The following KCMF1 variants were observed in gnomAD, a reference collection of about 807,000 sequenced individuals.
The protein encoded by KCMF1 is potassium channel modulatory factor 1.
A neutral mutation model predicts 41.1 loss-of-function variants in KCMF1; 3 were observed. That is an observed-to-expected ratio of 0.07 (90% CI 0.03 to 0.19). The LOEUF is 0.19. Among genes scored for constraint, KCMF1 ranks in the 10% least tolerant of loss-of-function variants. The pLI is 1.00. For missense variants in KCMF1, 286 were observed against 488.9 expected (o/e 0.58, Z 3.91); for synonymous variants, 142 against 164.5 (o/e 0.86, Z 1.04).
intron 1 of KCMF1, among the ~76,000 whole-genome samples, chr2:85,002,944 A>G (rs1415114198): frequency 6.6e-6 from 1 of 152,228 alleles, no homozygotes; most frequent in Non-Finnish European, 1.5e-5. Context: ...AACTGAATGT[A>G]GTTCTTCACA....
At position 85,058,656 on chromosome 2, in the gene KCMF1, C is replaced by G. The variant is rs1294995491; in HGVS notation, c.*5247C>G. On this transcript the variant is annotated 3_prime_UTR_variant, in exon 7 of 7. Transcript: ENST00000409785. ...GCTTTGTCTAAACATTATTTACCAACTGCGATTTTTACAGACTTCCCCTGT... is the reference window on the plus strand; with the variant it reads ...GCTTTGTCTAAACATTATTTACCAAGTGCGATTTTTACAGACTTCCCCTGT... 7 of 152,182 alleles carry G rather than the reference C, an allele frequency of 4.6e-5. No individual in the cohort carries two copies. Among genetic ancestry groups the G allele is most frequent in the Admixed American group, 4.6e-4 (7 of 15,280 alleles). The allele number at this position is 152,182 out of a possible 1,614,324, so 9.4% of individuals were successfully genotyped here.
chr2:85,051,271 A>C (rs1675801076), intron 6 of KCMF1, among the ~76,000 whole-genome samples: 1 of 152,198 alleles, frequency 6.6e-6, no homozygotes, highest in African/African-American at 2.4e-5. Context: ...CCCCATAGGG[A>C]CTGACCAGCA....
intron 2 of KCMF1, among the ~76,000 whole-genome samples, chr2:85,028,665 A>C (rs1020647787): frequency 6.6e-5 from 10 of 150,520 alleles, no homozygotes; most frequent in Admixed American, 1.3e-4. Context: ...GATTTTTTGT[A>C]TCTTTAGTAG....
In KCMF1 at chr2:85,053,571, T is replaced by C; in HGVS notation, c.*162T>C. On this transcript the variant is annotated 3_prime_UTR_variant, in exon 7 of 7. Coordinates refer to ENST00000409785, the MANE Select transcript of KCMF1 (RefSeq NM_020122.5). ...AGAGAAAATATATATGATAATCATT[T>C]CCACTTAACTAATTTTTACTTCTAG... 1 of 790,996 alleles carries C rather than the reference T, an allele frequency of 1.3e-6. No homozygotes were observed. Among genetic ancestry groups the C allele is most frequent in the Non-Finnish European group, 2.0e-6 (1 of 511,404 alleles). 49.0% of individuals were successfully genotyped at this position (790,996 alleles called of 1,614,324 possible).
At chr2:84,992,966 G>A (rs1190672866) in intron 1 of KCMF1, among the ~76,000 whole-genome samples, 1 of 152,174 alleles carries the variant, frequency 6.6e-6, no homozygotes, top group Non-Finnish European at 1.5e-5. Context: ...GGTCGAGGCA[G>A]GCAGGTCCCT....
At chr2:85,004,885 G>A (rs1406325640) in intron 1 of KCMF1, among the ~76,000 whole-genome samples, 1 of 151,978 alleles carries the variant, frequency 6.6e-6, no homozygotes, top group East Asian at 1.9e-4. Context: ...GCCCAGGCTG[G>A]AGTGCAGTGG....
intron 2 of KCMF1, among the ~76,000 whole-genome samples, chr2:85,030,136 G>T (rs898997142): frequency 6.6e-6 from 1 of 152,034 alleles, no homozygotes; most frequent in African/African-American, 2.4e-5. Context: ...TGGGCCATTT[G>T]TATATCTACT....
At chr2:84,997,000 G>C (rs531912912) in intron 1 of KCMF1, among the ~76,000 whole-genome samples, 1 of 152,278 alleles carries the variant, frequency 6.6e-6, no homozygotes, top group South Asian at 2.1e-4. Context: ...TTACTGTACT[G>C]AATACTGTAG....
At chr2:85,042,621 C>G (rs1262592474) in intron 3 of KCMF1, among the ~76,000 whole-genome samples, 3 of 152,170 alleles carry the variant, frequency 2.0e-5, no homozygotes, top group African/African-American at 7.2e-5. Flanking sequence ...GGTCATGCCC[C>G]TTGCTTCAGA....
intron 1 of KCMF1, among the ~76,000 whole-genome samples, chr2:85,024,725 A>G (rs749434430): frequency 1.3e-5 from 2 of 152,108 alleles, no homozygotes; most frequent in Non-Finnish European, 2.9e-5. Flanking sequence ...TCCGTCTTTA[A>G]ACCATGTGGA....
chr2:85,053,016 A>C (rs1675844314), intron 6 of KCMF1, 132 bp from the exon 7 acceptor site: 1 of 717,082 alleles, frequency 1.4e-6, no homozygotes, highest in Non-Finnish European at 2.3e-6. Context: ...ATTACAGCCA[A>C]GTATTCCAGC....
At chr2:85,024,609 CGT>C (rs1286861410) in intron 1 of KCMF1, among the ~76,000 whole-genome samples, 7 of 148,616 alleles carry the variant, frequency 4.7e-5, no homozygotes, top group East Asian at 3.9e-4. Context: ...TGTGTGTGCG[CGT>C]GTGTGTGTGA....
intron 1 of KCMF1, among the ~76,000 whole-genome samples, chr2:85,013,204 C>G (rs1370325594): frequency 6.6e-6 from 1 of 152,156 alleles, no homozygotes; most frequent in Non-Finnish European, 1.5e-5. Flanking sequence ...GCTCTAAGCA[C>G]TAAGTGGGTA....
chr2:85,041,897 T>C (rs1310979788), intron 3 of KCMF1, among the ~76,000 whole-genome samples: 2 of 151,138 alleles, frequency 1.3e-5, no homozygotes, highest in African/African-American at 4.9e-5. Flanking sequence ...AAAAGTAAAA[T>C]ATGTATATCA....
At chr2:84,971,488 C>A (rs767918601) in intron 1 of KCMF1, 21 bp downstream of exon 1, 2 of 1,241,942 alleles carry the variant, frequency 1.6e-6, no homozygotes, top group African/African-American at 1.6e-5. Context: ...CCCCCGCCCC[C>A]ACCCGCACCT....
intron 4 of KCMF1, 63 bp from the exon 5 acceptor site, chr2:85,046,041 G>A (rs571206799): frequency 3.0e-6 from 4 of 1,326,544 alleles, no homozygotes; most frequent in South Asian, 1.4e-5. Flanking sequence ...GTCTAGCAAG[G>A]ACTCAGGTGA....
rs779331129 is a variant in KCMF1, at chr2:85,049,352, A to G, written c.602-14A>G. 21 of 1,610,320 alleles carry G rather than the reference A, an allele frequency of 1.3e-5. No individual in the cohort carries two copies. Among genetic ancestry groups the G allele is most frequent in the Non-Finnish European group, 1.7e-5 (20 of 1,176,918 alleles). ...TATTAAGCAGACATTAATTGTCTTC[A>G]TTTCCATTGGCAGAGCTTTTATCTC... On this transcript the variant is annotated splice_polypyrimidine_tract_variant and intron_variant, in intron 5 of 6. Transcript: ENST00000409785.
chr2:84,971,409 G>T lies in KCMF1; in HGVS notation c.-43G>T. 1 of 1,184,780 alleles carries T rather than the reference G, an allele frequency of 8.4e-7. No homozygotes were observed. 73.4% of individuals were successfully genotyped at this position (1,184,780 alleles called of 1,614,324 possible). On this transcript the variant is annotated 5_prime_UTR_variant, in exon 1 of 7. Transcript: ENST00000409785. Reference sequence around the variant, plus strand: ...CCGGGACCCCGCGGGGGACACTGCAGCCGGAGCCCGGGAGGGGCCGCGCCG... The same window carrying T: ...CCGGGACCCCGCGGGGGACACTGCATCCGGAGCCCGGGAGGGGCCGCGCCG...
At chr2:84,974,689 ATATTTTTTTT>A (rs1673499238) in intron 1 of KCMF1, among the ~76,000 whole-genome samples, 2 of 28,304 alleles carry the variant, frequency 7.1e-5, no homozygotes, top group African/African-American at 1.7e-4. Flanking sequence ...ATATATATAT[ATATTTTTTTT>A]TTTTTTTTTT....
Sources: gnomAD v4.1 joint callset for allele counts (sites outside exome capture counted in the v4.1 genomes callset) on GRCh38, gnomAD v4.1.1 for gene constraint, MANE v1.5 for transcripts, NCBI Gene and HGNC (gene_info 2026-07-23, HGNC 2026-07-21) for gene names.